SLC25A18: variants seen among roughly 807,000 people sequenced by gnomAD.
The protein encoded by SLC25A18 is solute carrier family 25 member 18.
Under a neutral mutation model 31.1 loss-of-function variants are expected in SLC25A18, and 24 were observed. The observed-to-expected ratio is 0.77, with a 90% confidence interval of 0.56 to 1.08. The LOEUF (loss-of-function observed/expected upper bound fraction) is 1.08, where lower values mean the gene tolerates loss of function less well. Among genes scored for constraint, SLC25A18 ranks in the 50% least tolerant of loss-of-function variants. SLC25A18 has a pLI of 0.00. For missense variants in SLC25A18, 371 were observed against 418.5 expected (o/e 0.89, Z 0.99); for synonymous variants, 173 against 161.9 (o/e 1.07, Z -0.52).
At chr22:17,583,908 C>T (rs2057449931) in intron 7 of SLC25A18, among the ~76,000 whole-genome samples, 1 of 151,622 alleles carries the variant, frequency 6.6e-6, no homozygotes, top group African/African-American at 2.4e-5. Flanking sequence ...TGCACCACTG[C>T]ACTCCAGCCT....
At chr22:17,576,091 T>C (rs394210) in intron 2 of SLC25A18, among the ~76,000 whole-genome samples, 1 of 151,940 alleles carries the variant, frequency 6.6e-6, no homozygotes, top group Non-Finnish European at 1.5e-5. Flanking sequence ...TGGTGGCTCA[T>C]GCCTGTAATC....
At chr22:17,581,311 T>A in intron 4 of SLC25A18, 47 bp from the exon 5 acceptor site, 1 of 1,611,520 alleles carries the variant, frequency 6.2e-7, no homozygotes, top group Non-Finnish European at 8.5e-7. Context: ...TGGAGGCGGC[T>A]GGGAGGCCCG....
chr22:17,568,465 G>C (rs191783037), intron 1 of SLC25A18, among the ~76,000 whole-genome samples: 1 of 151,448 alleles, frequency 6.6e-6, no homozygotes, highest in African/African-American at 2.4e-5. Context: ...AAGAGGAACA[G>C]GCTATGACCT....
At position 17,574,694 on chromosome 22, in the gene SLC25A18, G is replaced by A. The variant is rs184328815; in HGVS notation, c.-201+4708G>A. On this transcript the variant is annotated intron_variant, in intron 2 of 10. Transcript: ENST00000327451. ...ATCACGTCTCGCCTGACTGATTTTTGTGTTTTTAGTAGAGACGGAGTTTCA... is the reference window on the plus strand; with the variant it reads ...ATCACGTCTCGCCTGACTGATTTTTATGTTTTTAGTAGAGACGGAGTTTCA... Among the ~76,000 whole-genome samples the A allele has an allele frequency of 4.1e-3, 620 of 150,194 alleles. 19 individuals carry two copies. The highest frequency in any genetic ancestry group is 0.035 in the Admixed American group (531 of 15,020).
chr22:17,566,333 G>A (rs377766074), intron 1 of SLC25A18, among the ~76,000 whole-genome samples: 44 of 151,936 alleles, frequency 2.9e-4, no homozygotes, highest in African/African-American at 1.0e-3. Context: ...TGCCTCTGGC[G>A]TGTTTAATCA....
At chr22:17,575,404 G>A (rs1481363050) in intron 2 of SLC25A18, among the ~76,000 whole-genome samples, 1 of 152,172 alleles carries the variant, frequency 6.6e-6, no homozygotes, top group Admixed American at 6.5e-5. Flanking sequence ...AAAGTGGATC[G>A]CTGTGCAGTA....
At chr22:17,575,856 C>T (rs1395530519) in intron 2 of SLC25A18, among the ~76,000 whole-genome samples, 1 of 152,008 alleles carries the variant, frequency 6.6e-6, no homozygotes, top group African/African-American at 2.4e-5. Context: ...CTTCCCAGTG[C>T]ACAGTGACAC....
chr22:17,576,298 G>A (rs181290845), intron 2 of SLC25A18, among the ~76,000 whole-genome samples: 10 of 151,768 alleles, frequency 6.6e-5, no homozygotes, highest in Admixed American at 6.6e-4. Flanking sequence ...GTTACACAGT[G>A]AGCCAAGATC....
At chr22:17,587,423 G>T in intron 8 of SLC25A18, 122 bp downstream of exon 8, 1 of 1,256,440 alleles carries the variant, frequency 8.0e-7, no homozygotes, top group Non-Finnish European at 1.1e-6. Flanking sequence ...GTGAGCAAAC[G>T]ATTTCCATGC....
intron 5 of SLC25A18, chr22:17,582,324 C>T: frequency 6.3e-6 from 2 of 315,430 alleles, no homozygotes; most frequent in Non-Finnish European, 1.2e-5. Flanking sequence ...TTCAGTGCGC[C>T]GAGATCGCGC....
Position 17,572,531 on chromosome 22 carries a change from C to T in SLC25A18, c.-201+2545C>T, listed in dbSNP as rs535120405. ...CTTTTCCACTGGGTGTGGTGTCTCA[C>T]GCCTGTAATCCCAGCACTTTGAGTG... On this transcript the variant is annotated intron_variant, in intron 2 of 10. Transcript: ENST00000327451. 1.0e-3 allele frequency among the ~76,000 whole-genome samples: 151 copies of T among 151,588 alleles called. 1 individual carries two copies. The highest frequency in any genetic ancestry group is 3.5e-3 in the African/African-American group (144 of 41,296).
At chr22:17,583,286 T>A (rs1157296091) in intron 6 of SLC25A18, 130 bp from the exon 7 acceptor site, 1 of 1,132,360 alleles carries the variant, frequency 8.8e-7, no homozygotes, top group Non-Finnish European at 1.3e-6. Flanking sequence ...GGCTAGCTGA[T>A]GACTTGACCA....
intron 1 of SLC25A18, among the ~76,000 whole-genome samples, chr22:17,564,240 CTCA>C (rs2056875978): frequency 6.6e-6 from 1 of 152,222 alleles, no homozygotes; most frequent in South Asian, 2.1e-4. Flanking sequence ...TCCCCACCAC[CTCA>C]GCCTGCCCTG....
chr22:17,582,244 C>T (rs565058437), intron 5 of SLC25A18: 35 of 180,966 alleles, frequency 1.9e-4, no homozygotes, highest in Middle Eastern at 2.3e-3. Flanking sequence ...GGCGTGGTGG[C>T]GGGCGCCTGT....
intron 2 of SLC25A18, among the ~76,000 whole-genome samples, chr22:17,572,226 G>T (rs989819059): frequency 2.6e-5 from 4 of 151,916 alleles, no homozygotes; most frequent in Non-Finnish European, 5.9e-5. Context: ...GCTCACCCCT[G>T]TAATCCCAGC....
At chr22:17,584,120 G>A in intron 7 of SLC25A18, 1 of 982,552 alleles carries the variant, frequency 1.0e-6, no homozygotes, top group African/African-American at 1.8e-5. Flanking sequence ...CCAGCTGGGT[G>A]CCGTGGCTCA....
intron 9 of SLC25A18, chr22:17,588,616 C>T (rs540130935): frequency 6.5e-6 from 1 of 153,340 alleles, no homozygotes; most frequent in South Asian, 2.1e-4. Flanking sequence ...CACCACTGCA[C>T]TCCAGCCTGG....
At chr22:17,567,556 G>A (rs555346407) in intron 1 of SLC25A18, among the ~76,000 whole-genome samples, 114 of 151,156 alleles carry the variant, frequency 7.5e-4, no homozygotes, top group Middle Eastern at 6.8e-3. Flanking sequence ...CAGATCCTTC[G>A]CCTGGCAGCA....
At chr22:17,583,379 G>A (rs2057433527) in intron 6 of SLC25A18, 37 bp from the exon 7 acceptor site, 1 of 1,612,794 alleles carries the variant, frequency 6.2e-7, no homozygotes, top group Admixed American at 1.7e-5. Context: ...CAGGCCTGTG[G>A]CCTGCGGCTG....
Sources: gnomAD v4.1 joint callset for allele counts (sites outside exome capture counted in the v4.1 genomes callset) on GRCh38, gnomAD v4.1.1 for gene constraint, MANE v1.5 for transcripts, NCBI Gene and HGNC (gene_info 2026-07-23, HGNC 2026-07-21) for gene names.